The following SCRN1 variants were observed in gnomAD, a reference collection of about 807,000 sequenced individuals.
The protein encoded by SCRN1 is secernin-1.
A neutral mutation model predicts 43.3 loss-of-function variants in SCRN1; 19 were observed. The ratio of observed to expected loss-of-function variants is 0.44; its 90% confidence interval spans 0.31 to 0.64. The LOEUF is 0.64. Ranked by LOEUF, SCRN1 falls within the 30% of genes least tolerant of loss-of-function variation. The probability of loss-of-function intolerance (pLI) is 0.09; values close to 1 mark genes in which losing one functional copy is unlikely to be tolerated. For synonymous variants in SCRN1, 183 were observed against 188.9 expected (o/e 0.97, Z 0.26); for missense variants, 447 against 524.1 (o/e 0.85, Z 1.44).
chr7:29,978,161 C>T (rs1788888203), intron 1 of SCRN1, among the ~76,000 whole-genome samples: 1 of 152,186 alleles, frequency 6.6e-6, no homozygotes, highest in South Asian at 2.1e-4. Context: ...TTCCCAGCAG[C>T]GTGGTGTGGA....
rs531076062 is a variant in SCRN1 at position 29,922,227 on chromosome 7, G to A, written c.*1730C>T. The A allele has an allele frequency of 6.6e-6, 1 of 152,286 alleles. No individual in the cohort carries two copies. The highest frequency in any genetic ancestry group is 1.9e-4 in the East Asian group (1 of 5,186). The allele number at this position is 152,286 out of a possible 1,614,324, so 9.4% of individuals were successfully genotyped here. On this transcript the variant is annotated 3_prime_UTR_variant, in exon 8 of 8. Transcript: ENST00000242059. Reference sequence around the variant, plus strand: ...ATCGTCTTCCCATCACCCACAATGTGTGGTTAATGATTTTATATACAGAGT... The same window carrying A: ...ATCGTCTTCCCATCACCCACAATGTATGGTTAATGATTTTATATACAGAGT...
chr7:29,988,202 TGTGC>T (rs1385551929), intron 1 of SCRN1, among the ~76,000 whole-genome samples: 3 of 152,214 alleles, frequency 2.0e-5, no homozygotes, highest in African/African-American at 7.2e-5. Context: ...ATGTTTACAA[TGTGC>T]ACACATCTCT....
At chr7:29,974,332 T>C (rs1176583077) in intron 1 of SCRN1, among the ~76,000 whole-genome samples, 1 of 152,256 alleles carries the variant, frequency 6.6e-6, no homozygotes, top group African/African-American at 2.4e-5. Context: ...TTGGCATTGT[T>C]CTCTGATACT....
At position 29,978,581 on chromosome 7, in the gene SCRN1, ACT is replaced by A. The variant is rs1003629983; in HGVS notation, c.-1-9515_-1-9514del. 1.1e-4 allele frequency among the ~76,000 whole-genome samples: 16 copies of A among 152,078 alleles called. 1 individual carries two copies. The highest frequency in any genetic ancestry group is 3.9e-4 in the African/African-American group (16 of 41,388). On this transcript the variant is annotated intron_variant, in intron 1 of 7. Coordinates refer to ENST00000242059, the MANE Select transcript of SCRN1 (RefSeq NM_014766.5). ...CCTAGTAGCCATCCTGACTTCTCTA[ACT>A]CTGAGCCAGAGTTTCCTCATATACA...
chr7:29,989,267 AG>A (rs1334952953), intron 1 of SCRN1: 1 of 152,230 alleles, frequency 6.6e-6, no homozygotes, highest in African/African-American at 2.4e-5. Flanking sequence ...CCCAGACCCC[AG>A]GGTGGCGAGG....
chr7:29,957,814 G>A (rs544921123), intron 2 of SCRN1, among the ~76,000 whole-genome samples: 13 of 152,326 alleles, frequency 8.5e-5, no homozygotes, highest in Admixed American at 7.8e-4. Flanking sequence ...GCTTAAGAGA[G>A]GAAGGGGCAT....
chr7:29,936,267 T>C (rs575863932), intron 6 of SCRN1, among the ~76,000 whole-genome samples: 8 of 152,338 alleles, frequency 5.3e-5, no homozygotes, highest in African/African-American at 1.9e-4. Context: ...ATATTTGGTA[T>C]TAGGTTGGTG....
chr7:29,960,053 G>A (rs922136891), intron 2 of SCRN1, among the ~76,000 whole-genome samples: 3 of 151,012 alleles, frequency 2.0e-5, no homozygotes, highest in Non-Finnish European at 4.4e-5. Flanking sequence ...CTGTCCAGTG[G>A]TCATGGAGCT....
In SCRN1 at chr7:29,950,417, C is replaced by A. The variant is rs1787881809; in HGVS notation, c.341+4762G>T. On this transcript the variant is annotated intron_variant, in intron 3 of 7. Transcript: ENST00000242059. The surrounding 1 kb of genome is among the most constrained non-coding windows in gnomAD (Gnocchi z 4.5). ...TGCCAGTGCCCCCCAAGATGAAAAA[C>A]CTGGACATCATGGATGGCACGTTGA... Among the ~76,000 whole-genome samples, 1 of 152,190 alleles carries A rather than the reference C, an allele frequency of 6.6e-6. No homozygotes were observed. The highest frequency in any genetic ancestry group is 2.1e-4 in the South Asian group (1 of 4,832).
At chr7:29,989,971 G>A (rs1789316274), upstream of SCRN1, 1 of 1,395,844 alleles carries the variant, frequency 7.2e-7, no homozygotes, top group African/African-American at 1.5e-5. Context: ...CCTGGGAGCT[G>A]GAGGAGCGGC....
chr7:29,974,612 C>A (rs1788751910), intron 1 of SCRN1, among the ~76,000 whole-genome samples: 1 of 151,774 alleles, frequency 6.6e-6, no homozygotes, highest in East Asian at 1.9e-4. Context: ...AAAAAACTGA[C>A]AAGTTACATC....
At chr7:29,955,978 A>C (rs893029865) in intron 2 of SCRN1, among the ~76,000 whole-genome samples, 1 of 152,238 alleles carries the variant, frequency 6.6e-6, no homozygotes, top group African/African-American at 2.4e-5. Context: ...ACACAGAAGG[A>C]AACAGTCCCA....
In SCRN1 at chr7:29,922,345, T is replaced by C. The variant is rs1220786667; in HGVS notation, c.*1612A>G. On this transcript the variant is annotated 3_prime_UTR_variant, in exon 8 of 8. Transcript: ENST00000242059. ...AAAGAATGTGTTCTGATAAAACCTC[T>C]GATCCTCACTGTTCACATCCATGTA... 6.6e-6 allele frequency: 1 copy of C among 152,244 alleles called. No homozygotes were observed. The highest frequency in any genetic ancestry group is 1.5e-5 in the Non-Finnish European group (1 of 68,034). The allele number at this position is 152,244 out of a possible 1,614,324, so 9.4% of individuals were successfully genotyped here.
intron 3 of SCRN1, among the ~76,000 whole-genome samples, chr7:29,952,918 C>T (rs1016256316): frequency 2.6e-5 from 4 of 152,228 alleles, no homozygotes; most frequent in African/African-American, 7.2e-5. Context: ...AATAGCTGGA[C>T]ATGGCTAGCC....
At chr7:29,932,158 G>C (rs1787176126) in intron 6 of SCRN1, among the ~76,000 whole-genome samples, 1 of 152,126 alleles carries the variant, frequency 6.6e-6, no homozygotes, top group South Asian at 2.1e-4. Flanking sequence ...AGAGAGAGGA[G>C]ACAGCTGGTG....
At chr7:29,980,979 C>T (rs946207014) in intron 1 of SCRN1, among the ~76,000 whole-genome samples, 4 of 151,906 alleles carry the variant, frequency 2.6e-5, no homozygotes, top group African/African-American at 4.8e-5. Context: ...GTTGAGAGTG[C>T]GAGTAAAGAT....
chr7:29,940,914 CT>C, intron 4 of SCRN1, 38 bp from the exon 5 acceptor site: 1 of 1,415,272 alleles, frequency 7.1e-7, no homozygotes. Context: ...TAAAAATATA[CT>C]TATAAAGACT....
chr7:29,972,757 AT>A (rs1425049455), intron 1 of SCRN1, among the ~76,000 whole-genome samples: 2 of 152,164 alleles, frequency 1.3e-5, no homozygotes, highest in African/African-American at 4.8e-5. Context: ...TGAAAAGAAA[AT>A]TTTCTGTAGA....
chr7:29,924,943 A>G (rs931099346), intron 7 of SCRN1, among the ~76,000 whole-genome samples: 3 of 152,188 alleles, frequency 2.0e-5, no homozygotes, highest in Non-Finnish European at 4.4e-5. Flanking sequence ...AGTCATTTGT[A>G]AATTTCAAAA....
Sources: gnomAD v4.1 joint callset for allele counts (sites outside exome capture counted in the v4.1 genomes callset) on GRCh38, gnomAD v4.1.1 for gene constraint, Gnocchi (gnomAD v3.1) non-coding constraint, MANE v1.5 for transcripts, NCBI Gene and HGNC (gene_info 2026-07-23, HGNC 2026-07-21) for gene names.